The following PRKAR1B variants were observed in gnomAD, a reference collection of about 807,000 sequenced individuals.
The protein encoded by PRKAR1B is protein kinase cAMP-dependent type I regulatory subunit beta, also known as cAMP-dependent protein kinase type I-beta regulatory subunit.
PRKAR1B carries 22 observed loss-of-function variants against 46.5 expected under a neutral mutation model. That is an observed-to-expected ratio of 0.47 (90% CI 0.34 to 0.68). The LOEUF is 0.68. Ranked by LOEUF, PRKAR1B falls within the 30% of genes least tolerant of loss-of-function variation. The probability of loss-of-function intolerance (pLI) is 0.01; values close to 1 mark genes in which losing one functional copy is unlikely to be tolerated. For synonymous variants in PRKAR1B, 259 were observed against 217.7 expected, an observed-to-expected ratio of 1.19 and a Z score of -1.67; for missense variants, 445 against 535.6, an observed-to-expected ratio of 0.83 and a Z score of 1.67.
At position 560,820 on chromosome 7, in the gene PRKAR1B, A is replaced by G. The variant is rs1200428983; in HGVS notation, c.892-9350T>C. Among the ~76,000 whole-genome samples, 1 of 152,226 alleles carries G rather than the reference A, an allele frequency of 6.6e-6. No individual in the cohort carries two copies. The highest frequency in any genetic ancestry group is 6.5e-5 in the Admixed American group (1 of 15,288). On this transcript the variant is annotated intron_variant, in intron 9 of 10. Transcript: ENST00000537384. This position sits in a 1 kb window ranked among gnomAD's most constrained non-coding sequence, Gnocchi z 4.2. The stretch of plus-strand genomic sequence containing the variant: ...GACAGTCATCATGAGGGCGGCGGCC[A>G]TGAGTGAACGTAAGAGTGGACAGAC...
intron 2 of PRKAR1B, among the ~76,000 whole-genome samples, chr7:691,197 A>C (rs117173984): frequency 3.0e-4 from 44 of 147,828 alleles, no homozygotes; most frequent in East Asian, 6.7e-4. Flanking sequence ...TCCTACCCAA[A>C]GGGTCCTGTG....
At position 680,647 on chromosome 7, in the gene PRKAR1B, G is replaced by C; in HGVS notation, c.257C>G (p.Pro86Arg). The C allele has an allele frequency of 1.2e-6, 2 of 1,613,638 alleles. No homozygotes were observed. Among genetic ancestry groups the C allele is most frequent in the African/African-American group, 1.3e-5 (1 of 75,032 alleles). ...GCGGGCCTTCACCACAGGGTTCGGG[G>C]GGGTGGGCGACACCTCCTCATCATG... ...DSHDEEVSPT[P>R]PNPVVKARRR... Residue 86 changes from proline (P) to arginine (R), a missense_variant, in exon 3 of 11, where the codon CCC becomes CGC. Pro to Arg is a moderately radical substitution (Grantham distance 103). Around this residue, in one of 5 missense-constraint regions of PRKAR1B, gnomAD observed 155 missense variants for 127.5 expected, o/e 1.22. Coordinates refer to ENST00000537384, the MANE Select transcript of PRKAR1B (RefSeq NM_001164760.2).
In PRKAR1B at chr7:560,101, C is replaced by G. The variant is rs1230237301; in HGVS notation, c.892-8631G>C. Among the ~76,000 whole-genome samples the G allele has an allele frequency of 6.6e-6, 1 of 152,120 alleles. No homozygotes were observed. Among genetic ancestry groups the G allele is most frequent in the Non-Finnish European group, 1.5e-5 (1 of 68,020 alleles). On this transcript the variant is annotated intron_variant, in intron 9 of 10. Transcript: ENST00000537384. This position sits in a 1 kb window ranked among gnomAD's most constrained non-coding sequence, Gnocchi z 4.2. ...CATCTTGAGTTGTAGCTCCCATAAT[C>G]CCCACGTGTTGTGGGAGGGACCCAG...
intron 4 of PRKAR1B, among the ~76,000 whole-genome samples, chr7:648,768 G>GT: frequency 6.6e-6 from 1 of 151,456 alleles, no homozygotes; most frequent in South Asian, 2.1e-4. Context: ...GGTGACAAGA[G>GT]TAAGACTCCA....
Position 711,470 on chromosome 7 carries a change from G to C in PRKAR1B, c.36C>G (p.Asp12Glu), listed in dbSNP as rs746721929. 6.2e-7 allele frequency: 1 copy of C among 1,614,112 alleles called. No homozygotes were observed. The highest frequency in any genetic ancestry group is 1.1e-5 in the South Asian group (1 of 91,082). Reference protein sequence around the residue: ...ASPPACPSEEDESLKGCELYV... With the variant: ...ASPPACPSEEEESLKGCELYV... The stretch of plus-strand genomic sequence containing the variant: ...ACAGCTCACAGCCCTTCAGGCTCTC[G>C]TCCTCCTCCGAGGGGCAGGCGGGCG... Residue 12 changes from aspartate (D) to glutamate (E), a missense_variant, in exon 2 of 11, where the codon GAC (aspartate) becomes GAG (glutamate). By Grantham distance (45) the Asp-to-Glu change is conservative. Transcript: ENST00000537384.
chr7:606,764 A>G (rs1782086869), intron 5 of PRKAR1B, among the ~76,000 whole-genome samples: 1 of 104,012 alleles, frequency 9.6e-6, no homozygotes, highest in African/African-American at 3.7e-5. Flanking sequence ...TGAGAATTTT[A>G]TGCGTGTGTG....
At chr7:641,690 C>CA (rs747942751) in intron 4 of PRKAR1B, among the ~76,000 whole-genome samples, 5 of 152,058 alleles carry the variant, frequency 3.3e-5, no homozygotes, top group Non-Finnish European at 7.4e-5. Flanking sequence ...GGATGAACCT[C>CA]AAAAAACACC....
intron 4 of PRKAR1B, among the ~76,000 whole-genome samples, chr7:654,935 C>A (rs1186114614): frequency 2.5e-4 from 38 of 152,160 alleles, no homozygotes; most frequent in Admixed American, 2.5e-3. Flanking sequence ...AAGAGAGGAG[C>A]CCAGCACTGG....
intron 4 of PRKAR1B, among the ~76,000 whole-genome samples, chr7:673,655 A>G (rs1373941185): frequency 6.6e-6 from 1 of 152,078 alleles, no homozygotes; most frequent in African/African-American, 2.4e-5. Flanking sequence ...TCTCAAAAAA[A>G]AAAAAAAATA....
chr7:562,477 C>G (rs1253046439), intron 9 of PRKAR1B, among the ~76,000 whole-genome samples: 2 of 152,196 alleles, frequency 1.3e-5, no homozygotes, highest in African/African-American at 2.4e-5. Flanking sequence ...TCGGCCTCAC[C>G]TCCCAACCAG....
chr7:712,026 C>T (rs1055854161), intron 1 of PRKAR1B, among the ~76,000 whole-genome samples: 3 of 144,956 alleles, frequency 2.1e-5, no homozygotes, highest in African/African-American at 7.8e-5. Context: ...CAGGAAAAGA[C>T]AGAAACGCAG....
At chr7:691,358 C>T (rs1779414978) in intron 2 of PRKAR1B, among the ~76,000 whole-genome samples, 1 of 152,238 alleles carries the variant, frequency 6.6e-6, no homozygotes, top group South Asian at 2.1e-4. Context: ...TCTCTGCCAA[C>T]AGAGATATCT....
intron 9 of PRKAR1B, among the ~76,000 whole-genome samples, chr7:559,846 A>G (rs1583201095): frequency 6.6e-6 from 1 of 152,200 alleles, no homozygotes; most frequent in Non-Finnish European, 1.5e-5. Flanking sequence ...GAGGCCAAAG[A>G]AGGAAGATTC....
chr7:637,184 G>A (rs1231156354), intron 4 of PRKAR1B, among the ~76,000 whole-genome samples: 1 of 152,208 alleles, frequency 6.6e-6, no homozygotes, highest in Non-Finnish European at 1.5e-5. Context: ...CTCCTCGGGA[G>A]GCTGAGGTGG....
chr7:605,356 C>T (rs546404085), intron 6 of PRKAR1B, among the ~76,000 whole-genome samples: 57 of 152,298 alleles, frequency 3.7e-4, no homozygotes, highest in African/African-American at 1.2e-3. Context: ...GTGCGGGGGG[C>T]GGCCTGCAGA....
chr7:655,576 T>G (rs972208399), intron 4 of PRKAR1B, among the ~76,000 whole-genome samples: 4 of 152,220 alleles, frequency 2.6e-5, no homozygotes, highest in African/African-American at 7.2e-5. Context: ...TCCTATATTC[T>G]AACAATTTAT....
intron 4 of PRKAR1B, among the ~76,000 whole-genome samples, chr7:676,388 C>T (rs775335720): frequency 3.9e-5 from 6 of 152,220 alleles, no homozygotes; most frequent in Non-Finnish European, 8.8e-5. Context: ...CCTCCGAGCT[C>T]CCGGCACAGG....
rs1583388171 is a variant in PRKAR1B at position 667,003 on chromosome 7, T to C, written c.440+10226A>G. On this transcript the variant is annotated intron_variant, in intron 4 of 10. Coordinates refer to ENST00000537384, the MANE Select transcript of PRKAR1B (RefSeq NM_001164760.2). This position sits in a 1 kb window ranked among gnomAD's most constrained non-coding sequence, Gnocchi z 4.3. ...ATGATAAAGATGATGATGGCAATGG[T>C]GGTGATGAGGATGGTGGTGGTGATG... is the stretch of plus-strand genomic sequence containing the variant. 1.3e-5 allele frequency among the ~76,000 whole-genome samples: 2 copies of C among 152,098 alleles called. No individual in the cohort carries two copies. Among genetic ancestry groups the C allele is most frequent in the East Asian group, 3.8e-4 (2 of 5,204 alleles).
intron 4 of PRKAR1B, among the ~76,000 whole-genome samples, chr7:652,664 C>G (rs533106888): frequency 5.1e-4 from 78 of 152,220 alleles, no homozygotes; most frequent in Non-Finnish European, 1.0e-3. Context: ...CCAGGCTCAC[C>G]ATTTGTGATG....
Sources: allele counts gnomAD v4.1 joint callset (sites outside exome capture counted in the v4.1 genomes callset), GRCh38; gene constraint gnomAD v4.1.1; regional missense constraint gnomAD v4.1.1; non-coding constraint Gnocchi (gnomAD v3.1); transcripts MANE v1.5; gene names NCBI Gene and HGNC (gene_info 2026-07-23, HGNC 2026-07-21).